MTOR: variants seen among roughly 807,000 people sequenced by gnomAD.
The protein encoded by MTOR is mechanistic target of rapamycin kinase.
A neutral mutation model predicts 319.8 loss-of-function variants in MTOR; 70 were observed. The observed-to-expected ratio is 0.22, with a 90% CI of 0.18 to 0.27. MTOR has a LOEUF of 0.27. Ranked by LOEUF, MTOR falls within the 10% of genes least tolerant of loss-of-function variation. MTOR has a pLI of 1.00. For missense variants in MTOR, 1,890 were observed against 3,274.4 expected (o/e 0.58, Z 10.32); for synonymous variants, 1,183 against 1,211.4 (o/e 0.98, Z 0.49).
At chr1:11,110,065 T>G (rs1327432378) in intron 54 of MTOR, among the ~76,000 whole-genome samples, 2 of 152,048 alleles carry the variant, frequency 1.3e-5, no homozygotes, top group African/African-American at 4.8e-5. Flanking sequence ...TTGAAAAAAT[T>G]TGGTGCTTAT....
chr1:11,237,557 C>T (rs1209451896), intron 13 of MTOR, among the ~76,000 whole-genome samples: 5 of 151,818 alleles, frequency 3.3e-5, no homozygotes, highest in African/African-American at 9.7e-5. Flanking sequence ...GCAAAGAGGG[C>T]CAAGAAATGG....
At chr1:11,198,578 T>A (rs1645861643) in intron 28 of MTOR, among the ~76,000 whole-genome samples, 1 of 152,230 alleles carries the variant, frequency 6.6e-6, no homozygotes, top group African/African-American at 2.4e-5. Context: ...CACATGAAGA[T>A]AATGAGATCC....
chr1:11,154,588 CATT>C (rs1644260070), intron 30 of MTOR, among the ~76,000 whole-genome samples: 1 of 151,938 alleles, frequency 6.6e-6, no homozygotes, highest in African/African-American at 2.4e-5. Context: ...TCATGCAAAA[CATT>C]ATAACATCTT....
chr1:11,236,786 C>G (rs539254530), intron 13 of MTOR, among the ~76,000 whole-genome samples: 5 of 152,296 alleles, frequency 3.3e-5, no homozygotes, highest in African/African-American at 1.2e-4. Context: ...GCTGGGATTA[C>G]AGGCATGAGC....
chr1:11,138,198 G>T (rs1434781470), intron 36 of MTOR, among the ~76,000 whole-genome samples: 1 of 152,222 alleles, frequency 6.6e-6, no homozygotes, highest in Admixed American at 6.5e-5. Context: ...AGGGAAACCA[G>T]ACTATACTCA....
chr1:11,137,152 T>TTA (rs377207561), intron 36 of MTOR, among the ~76,000 whole-genome samples: 323 of 73,364 alleles, frequency 4.4e-3, no homozygotes, highest in Middle Eastern at 8.8e-3. Flanking sequence ...TAAATCTGAT[T>TTA]AAAAAAAAAA....
chr1:11,258,349 T>G (rs945977673), intron 3 of MTOR, 136 bp downstream of exon 3: 2 of 655,178 alleles, frequency 3.1e-6, no homozygotes, highest in African/African-American at 1.8e-5. Context: ...CCAGGGCTGC[T>G]GCTAGAATTA....
intron 23 of MTOR, among the ~76,000 whole-genome samples, chr1:11,211,484 T>C (rs1476527926): frequency 2.0e-5 from 3 of 152,154 alleles, no homozygotes; most frequent in Non-Finnish European, 4.4e-5. Context: ...CCCTCTGCCT[T>C]AGCCTCCTGA....
intron 28 of MTOR, among the ~76,000 whole-genome samples, chr1:11,190,247 T>C (rs1476375694): frequency 6.6e-6 from 1 of 152,216 alleles, no homozygotes; most frequent in African/African-American, 2.4e-5. Context: ...GGTTCAAGTC[T>C]TCCTGATTGG....
At chr1:11,259,520 C>CT (rs1471292024) in intron 1 of MTOR, 97 bp from the exon 2 acceptor site, 2 of 1,332,588 alleles carry the variant, frequency 1.5e-6, no homozygotes, top group East Asian at 5.2e-5. Context: ...CCCCCTAGCC[C>CT]TTGTCAGGCA....
At position 11,212,208 on chromosome 1, in the gene MTOR, C is replaced by T; in HGVS notation, c.3561+104G>A. 7.2e-7 allele frequency: 1 copy of T among 1,391,840 alleles called. No individual in the cohort carries two copies. The highest frequency in any genetic ancestry group is 9.8e-7 in the Non-Finnish European group (1 of 1,022,340). 86.2% of individuals were successfully genotyped at this position (1,391,840 alleles called of 1,614,324 possible). A position where few individuals can be genotyped will look rare whatever the true frequency, so the allele number is the denominator to read the frequency against. ...GAAAAAAAGCAAGTAATTCCACGTT[C>T]TCTGATGGTGGCTGGCATCAGACAA... On this transcript the variant is annotated intron_variant, in intron 23 of 57. Coordinates refer to ENST00000361445, the MANE Select transcript of MTOR (RefSeq NM_004958.4). The surrounding 1 kb of genome is among the most constrained non-coding windows in gnomAD (Gnocchi z 4.1).
intron 3 of MTOR, among the ~76,000 whole-genome samples, chr1:11,258,091 G>A (rs901538756): frequency 6.9e-6 from 1 of 144,376 alleles, no homozygotes; most frequent in Non-Finnish European, 1.5e-5. Flanking sequence ...GCCCCGGCAA[G>A]AGTGAGACTC....
chr1:11,253,468 C>T (rs1649964292), intron 6 of MTOR, among the ~76,000 whole-genome samples: 1 of 152,162 alleles, frequency 6.6e-6, no homozygotes, highest in African/African-American at 2.4e-5. Context: ...GCTCCCGGTA[C>T]ACCAGCCATA....
intron 36 of MTOR, among the ~76,000 whole-genome samples, chr1:11,137,564 G>A (rs1643489279): frequency 6.6e-6 from 1 of 152,182 alleles, no homozygotes; most frequent in Non-Finnish European, 1.5e-5. Flanking sequence ...AAAGGGAAAA[G>A]TGATTCTTTC....
intron 19 of MTOR, among the ~76,000 whole-genome samples, chr1:11,223,893 G>A (rs1406809949): frequency 6.6e-6 from 1 of 151,766 alleles, no homozygotes; most frequent in Admixed American, 6.6e-5. Context: ...TACAAAATTA[G>A]CTGGGCATGG....
intron 24 of MTOR, 50 bp from the exon 25 acceptor site, chr1:11,209,508 T>C (rs777985000): frequency 4.4e-6 from 7 of 1,602,490 alleles, no homozygotes; most frequent in South Asian, 1.1e-5. Flanking sequence ...TAGATGCTTC[T>C]GGTTTAGGAA....
intron 11 of MTOR, among the ~76,000 whole-genome samples, chr1:11,239,072 C>A (rs1418523562): frequency 1.3e-5 from 2 of 152,082 alleles, no homozygotes; most frequent in African/African-American, 4.8e-5. Flanking sequence ...CCGCGCCAGG[C>A]CTGACCCAGA....
intron 1 of MTOR, among the ~76,000 whole-genome samples, chr1:11,261,842 C>T (rs1430487631): frequency 1.3e-5 from 2 of 152,060 alleles, no homozygotes; most frequent in Non-Finnish European, 2.9e-5. Context: ...AGGAAAGAAC[C>T]AGTGTATCTT....
chr1:11,128,983 T>C lies in MTOR; in HGVS notation c.5715-32A>G. On this transcript the variant is annotated intron_variant, in intron 40 of 57. Transcript: ENST00000361445. This position sits in a 1 kb window ranked among gnomAD's most constrained non-coding sequence, Gnocchi z 5.3. ...AAGAAATGAGAAAGTCACAGAAAAT[T>C]TAGTTTCCCAGTTTTTGCCTGCCTG... The C allele has an allele frequency of 6.3e-7, 1 of 1,591,252 alleles. No homozygotes were observed. The highest frequency in any genetic ancestry group is 8.6e-7 in the Non-Finnish European group (1 of 1,164,484).
Sources: gnomAD v4.1 joint callset for allele counts (sites outside exome capture counted in the v4.1 genomes callset) on GRCh38, gnomAD v4.1.1 for gene constraint, Gnocchi (gnomAD v3.1) non-coding constraint, MANE v1.5 for transcripts, NCBI Gene and HGNC (gene_info 2026-07-23, HGNC 2026-07-21) for gene names.